MYO18A: variants seen among roughly 807,000 people sequenced by gnomAD.
MYO18A encodes unconventional myosin-XVIIIa.
MYO18A carries 78 observed loss-of-function variants against 235.8 expected under a neutral mutation model. The ratio of observed to expected loss-of-function variants is 0.33; its 90% CI spans 0.28 to 0.40. MYO18A has a LOEUF of 0.40. Among genes scored for constraint, MYO18A ranks in the 10% least tolerant of loss-of-function variants. The pLI is 1.00. For synonymous variants in MYO18A, 977 were observed against 1,077.8 expected, an observed-to-expected ratio of 0.91 and a Z score of 1.83; for missense variants, 2,215 against 2,699.3, an observed-to-expected ratio of 0.82 and a Z score of 3.98.
rs575709013 is a variant in MYO18A at position 29,156,889 on chromosome 17, G to C, written c.999+9053C>G. 1.3e-3 allele frequency among the ~76,000 whole-genome samples: 200 copies of C among 152,370 alleles called. 1 individual carries two copies. Among genetic ancestry groups the C allele is most frequent in the African/African-American group, 4.5e-3 (187 of 41,592 alleles). Reference sequence around the variant, plus strand: ...GACAAAAGGAACAGCAGGAGCTCAAGGGTAGACGCCAGTGAGAAGCCTGCA... The same window carrying C: ...GACAAAAGGAACAGCAGGAGCTCAACGGTAGACGCCAGTGAGAAGCCTGCA... On this transcript the variant is annotated intron_variant, in intron 2 of 41. Transcript: ENST00000527372.
chr17:29,079,911 CGAG>C (rs1332841966), intron 41 of MYO18A: 11 of 985,792 alleles, frequency 1.1e-5, no homozygotes, highest in Non-Finnish European at 1.2e-5. Context: ...TGGATGACGA[CGAG>C]GAGGACTCAG....
Position 29,110,608 on chromosome 17 carries a change from T to C in MYO18A, c.2915A>G (p.Asn972Ser). The change falls in exon 18 of 42, where the codon AAC becomes AGC. Residue 972 changes from asparagine to serine, a missense_variant. By Grantham distance (46) the Asn-to-Ser change is conservative. Transcript: ENST00000527372. ...LQDSQKKIIS[N>S]LFLGRAGSAT... ...ACTGCCTGCGCGGCCCAGAAACAGGTTGCTGATGATTTTTCTGCCAGAGGT... is the reference window on the plus strand; with the variant it reads ...ACTGCCTGCGCGGCCCAGAAACAGGCTGCTGATGATTTTTCTGCCAGAGGT... 1 of 1,602,546 alleles carries C rather than the reference T, an allele frequency of 6.2e-7. No individual in the cohort carries two copies. Among genetic ancestry groups the C allele is most frequent in the Non-Finnish European group, 8.5e-7 (1 of 1,171,774 alleles).
chr17:29,135,034 C>T (rs778976835), intron 2 of MYO18A, among the ~76,000 whole-genome samples: 12 of 152,048 alleles, frequency 7.9e-5, no homozygotes, highest in Non-Finnish European at 1.5e-4. Flanking sequence ...GAATCTGCCT[C>T]AGTCCAGGGA....
intron 2 of MYO18A, among the ~76,000 whole-genome samples, chr17:29,161,563 C>G (rs2068175240): frequency 6.6e-6 from 1 of 151,998 alleles, no homozygotes; most frequent in Non-Finnish European, 1.5e-5. Context: ...GCCAGCACCT[C>G]TGGCTCTCCA....
Position 29,128,241 on chromosome 17 carries a change from C to G in MYO18A, c.1000-5988G>C. On this transcript the variant is annotated intron_variant, in intron 2 of 41. Coordinates refer to ENST00000527372, the MANE Select transcript of MYO18A (RefSeq NM_078471.4). ...TTGGGACTAGAAGCTGCCTTTTCTC[C>G]CCTCTTGCTTCGAGTCGGGTGCTCG... is the stretch of plus-strand genomic sequence containing the variant. 4 of 1,165,070 alleles carry G rather than the reference C, an allele frequency of 3.4e-6. No individual in the cohort carries two copies. The South Asian group carries it at 6.3e-5, about 18-fold the overall frequency. 72.2% of individuals were successfully genotyped at this position (1,165,070 alleles called of 1,614,324 possible).
intron 41 of MYO18A, chr17:29,077,500 C>G (rs930682627): frequency 2.0e-5 from 3 of 152,284 alleles, no homozygotes; most frequent in African/African-American, 7.2e-5. Context: ...TAAGTGACTG[C>G]TCCATCCCAT....
rs519406 is a variant in MYO18A, at chr17:29,158,469, C to G, written c.999+7473G>C. The stretch of plus-strand genomic sequence containing the variant: ...CTTGAATTGGCTGCCCCCCATCAAA[C>G]TGCACAGCAGAGGTGGGGGCCCTGA... On this transcript the variant is annotated intron_variant, in intron 2 of 41. Coordinates refer to ENST00000527372, the MANE Select transcript of MYO18A (RefSeq NM_078471.4). This position sits in a 1 kb window ranked among gnomAD's most constrained non-coding sequence, Gnocchi z 4.3. 3.3e-5 allele frequency among the ~76,000 whole-genome samples: 5 copies of G among 152,316 alleles called. No homozygotes were observed. The highest frequency in any genetic ancestry group is 5.9e-5 in the Non-Finnish European group (4 of 68,018).
Position 29,120,385 on chromosome 17 carries a change from G to A in MYO18A, c.1728+231C>T, listed in dbSNP as rs1227841485. Among the ~76,000 whole-genome samples, 1 of 152,260 alleles carries A rather than the reference G, an allele frequency of 6.6e-6. No individual in the cohort carries two copies. The highest frequency in any genetic ancestry group is 1.5e-5 in the Non-Finnish European group (1 of 68,048). On this transcript the variant is annotated intron_variant, in intron 7 of 41. Coordinates refer to ENST00000527372, the MANE Select transcript of MYO18A (RefSeq NM_078471.4). The surrounding 1 kb of genome is among the most constrained non-coding windows in gnomAD (Gnocchi z 4.2). ...AGAGTTAGGACAACCCCAGGGTTGG[G>A]AGAGTGAAGGGAACTGGGCAGAAAG... is the stretch of plus-strand genomic sequence containing the variant.
chr17:29,118,338 G>A lies in MYO18A; in HGVS notation c.1893+39C>T, dbSNP rs776888124. 6.3e-7 allele frequency: 1 copy of A among 1,586,130 alleles called. No homozygotes were observed. ...CCATGGAGGCTTCTCCTACCCCCAA[G>A]GCCCAGGGCTGGCAACCCAGACCCC... On this transcript the variant is annotated intron_variant, in intron 9 of 41. Coordinates refer to ENST00000527372, the MANE Select transcript of MYO18A (RefSeq NM_078471.4). This position sits in a 1 kb window ranked among gnomAD's most constrained non-coding sequence, Gnocchi z 4.2.
intron 40 of MYO18A, among the ~76,000 whole-genome samples, chr17:29,083,908 A>G (rs2066185363): frequency 1.3e-5 from 2 of 152,258 alleles, no homozygotes; most frequent in South Asian, 2.1e-4. Flanking sequence ...TGCTGTATGC[A>G]TCGCAAAATC....
intron 26 of MYO18A, among the ~76,000 whole-genome samples, 167 bp from the exon 27 acceptor site, chr17:29,097,517 G>A (rs997596271): frequency 6.6e-6 from 1 of 152,248 alleles, no homozygotes; most frequent in Non-Finnish European, 1.5e-5. Context: ...CACTAGCCAG[G>A]AGAAGACCAG....
Position 29,166,270 on chromosome 17 carries a change from T to G in MYO18A, c.671A>C (p.Gln224Pro), listed in dbSNP as rs1467289205. The G allele has an allele frequency of 6.2e-7, 1 of 1,612,954 alleles. No homozygotes were observed. The highest frequency in any genetic ancestry group is 1.7e-5 in the Admixed American group (1 of 60,030). Reference sequence around the variant, plus strand: ...GCCAAAGTCTCCAGTGGGCCGTCGTTGCAGCTCCAGCTCCCGGAGGGTAGG... The same window carrying G: ...GCCAAAGTCTCCAGTGGGCCGTCGTGGCAGCTCCAGCTCCCGGAGGGTAGG... ...PPPTLRELEL[Q>P]RRPTGDFGFS... Residue 224 changes from glutamine (Q) to proline (P), a missense_variant, in exon 2 of 42, where the codon CAA (glutamine) becomes CCA (proline). By Grantham distance (76) the Gln-to-Pro change is moderately conservative (BLOSUM62 -1). Coordinates refer to ENST00000527372, the MANE Select transcript of MYO18A (RefSeq NM_078471.4).
chr17:29,143,279 CTGG>C (rs2067780271), intron 2 of MYO18A, among the ~76,000 whole-genome samples: 1 of 152,244 alleles, frequency 6.6e-6, no homozygotes, highest in African/African-American at 2.4e-5. Context: ...TTTGCCCAGG[CTGG>C]AGTGCAGTGG....
At chr17:29,093,244 C>T in intron 32 of MYO18A, 79 bp downstream of exon 32, 1 of 1,322,250 alleles carries the variant, frequency 7.6e-7, no homozygotes, top group Non-Finnish European at 1.1e-6. Context: ...GTTCGTGGCT[C>T]CCCATCCCTA....
chr17:29,145,200 C>G (rs1479567291), intron 2 of MYO18A, among the ~76,000 whole-genome samples: 1 of 152,212 alleles, frequency 6.6e-6, no homozygotes, highest in Non-Finnish European at 1.5e-5. Flanking sequence ...CCATCCCGTT[C>G]CCCAGCACTA....
intron 34 of MYO18A, chr17:29,091,317 A>G: frequency 3.1e-6 from 1 of 324,760 alleles, no homozygotes; most frequent in Non-Finnish European, 6.0e-6. Context: ...AAGTCTGCGA[A>G]GGTCTCCTGG....
At chr17:29,168,056 GGTGAT>G (rs2068321264) in intron 1 of MYO18A, among the ~76,000 whole-genome samples, 1 of 152,126 alleles carries the variant, frequency 6.6e-6, no homozygotes, top group South Asian at 2.1e-4. Flanking sequence ...GCTAATAAAT[GGTGAT>G]GTTGGGATTC....
At chr17:29,105,441 C>A (rs1250414514) in intron 20 of MYO18A, among the ~76,000 whole-genome samples, 1 of 151,662 alleles carries the variant, frequency 6.6e-6, no homozygotes, top group Non-Finnish European at 1.5e-5. Context: ...AAAAGAGATG[C>A]CAGAGGAAAA....
rs1288388914 is a variant in MYO18A, at chr17:29,126,856, C to T, written c.1000-4603G>A. Among the ~76,000 whole-genome samples the T allele has an allele frequency of 6.6e-6, 1 of 152,102 alleles. No individual in the cohort carries two copies. The highest frequency in any genetic ancestry group is 2.4e-5 in the African/African-American group (1 of 41,410). On this transcript the variant is annotated intron_variant, in intron 2 of 41. Transcript: ENST00000527372. The surrounding 1 kb of genome is among the most constrained non-coding windows in gnomAD (Gnocchi z 4.1). ...CTCCCTCCTGCTTCTCAGCCTCCTGCCCCACCCAGAGAACACTTTCTGGGA... is the reference window on the plus strand; with the variant it reads ...CTCCCTCCTGCTTCTCAGCCTCCTGTCCCACCCAGAGAACACTTTCTGGGA...
Sources: gnomAD v4.1 joint callset for allele counts (sites outside exome capture counted in the v4.1 genomes callset) on GRCh38, gnomAD v4.1.1 for gene constraint, Gnocchi (gnomAD v3.1) non-coding constraint, MANE v1.5 for transcripts, NCBI Gene and HGNC (gene_info 2026-07-23, HGNC 2026-07-21) for gene names.